Variants in ZNF880 observed in about 807,000 individuals in gnomAD.
ZNF880 encodes the protein zinc finger protein 880.
A neutral mutation model predicts 11.8 loss-of-function variants in ZNF880; 12 were observed. The ratio of observed to expected loss-of-function variants is 1.02; its 90% CI spans 0.65 to 1.65. The LOEUF (loss-of-function observed/expected upper bound fraction) is 1.65. Among genes scored for constraint, ZNF880 ranks in the 40% most tolerant of loss-of-function variants. The pLI, the probability that ZNF880 is intolerant of heterozygous loss-of-function variation, is 0.00. For synonymous variants in ZNF880, 210 were observed against 232.4 expected, an observed-to-expected ratio of 0.90 and a Z score of 0.88; for missense variants, 601 against 673.9, an observed-to-expected ratio of 0.89 and a Z score of 1.20.
the ZNF880 span, among the ~76,000 whole-genome samples, chr19:52,393,810 T>G: frequency 2.0e-5 from 3 of 151,702 alleles, no homozygotes; most frequent in Non-Finnish European, 2.9e-5. Flanking sequence ...ATGTTTTGTT[T>G]CACATGTATT....
chr19:52,384,196 C>T lies in ZNF880; in HGVS notation c.616C>T (p.His206Tyr). 6.2e-7 allele frequency: 1 copy of T among 1,611,546 alleles called. No individual in the cohort carries two copies. The highest frequency in any genetic ancestry group is 8.5e-7 in the Non-Finnish European group (1 of 1,178,532). Residue 206 changes from histidine to tyrosine, a missense_variant, in exon 4 of 4, where the codon CAC becomes TAC. Physicochemically the swap from His to Tyr is moderately conservative, Grantham distance 83. Coordinates refer to ENST00000422689, the MANE Select transcript of ZNF880 (RefSeq NM_001145434.2). ...AAGACTTGCTAACAATCAAGTAATC[C>T]ACACTGCAGATAACCCTTACAAATG... is the stretch of plus-strand genomic sequence containing the variant. The part of the protein sequence containing the change: ...SSRLANNQVI[H>Y]TADNPYKCNE...
chr19:52,376,502 C>A (rs867704832), intron 3 of ZNF880, among the ~76,000 whole-genome samples: 1 of 29,698 alleles, frequency 3.4e-5, no homozygotes, highest in Non-Finnish European at 7.7e-5. Flanking sequence ...CACCGCCCCC[C>A]CCCCCCCTTT....
chr19:52,394,169 T>C, the ZNF880 span, among the ~76,000 whole-genome samples: 4 of 151,734 alleles, frequency 2.6e-5, no homozygotes, highest in African/African-American at 9.7e-5. Flanking sequence ...GGAGCAATCA[T>C]ACATAGTATT....
chr19:52,390,110 T>C (rs2122451656), downstream of ZNF880: 1 of 158,464 alleles, frequency 6.3e-6, no homozygotes, highest in East Asian at 1.9e-4. Context: ...ACAAAGAGGT[T>C]TAATGGACAC....
downstream of ZNF880, among the ~76,000 whole-genome samples, chr19:52,386,462 C>T (rs12985084): frequency 1.6e-3 from 222 of 142,698 alleles, 26 homozygotes; most frequent in Non-Finnish European, 3.0e-3. Flanking sequence ...AGATGGTGGG[C>T]ACTAGGACTG....
chr19:52,396,803 A>T, the ZNF880 span: 1 of 152,138 alleles, frequency 6.6e-6, no homozygotes, highest in African/African-American at 2.4e-5. Flanking sequence ...GTGGAGAGGC[A>T]CAGGCCTTTA....
chr19:52,385,327 A>G lies in ZNF880; in HGVS notation c.*13A>G, dbSNP rs569785639. 3 of 1,549,092 alleles carry G rather than the reference A, an allele frequency of 1.9e-6. No homozygotes were observed. Among genetic ancestry groups the G allele is most frequent in the African/African-American group, 2.7e-5 (2 of 73,124 alleles). ...ACCGTACAGATGAAATGTGTGTGGT[A>G]AGATCTTTAGTAATAATTCACACCT... On this transcript the variant is annotated 3_prime_UTR_variant, in exon 4 of 4. Transcript: ENST00000422689.
At chr19:52,388,558 G>A (rs1986958995), downstream of ZNF880, among the ~76,000 whole-genome samples, 1 of 152,042 alleles carries the variant, frequency 6.6e-6, no homozygotes, top group Admixed American at 6.6e-5. Context: ...TTACAGGTGT[G>A]AGCCACCATG....
chr19:52,383,280 C>G (rs2122403529), intron 3 of ZNF880, among the ~76,000 whole-genome samples: 1 of 152,242 alleles, frequency 6.6e-6, no homozygotes, highest in South Asian at 2.1e-4. Context: ...AGAGGGCTGC[C>G]TATTTTTAGG....
rs536680311 is a variant in ZNF880 at position 52,373,778 on chromosome 19, A to G, written c.140-521A>G. ...AACCTCCGCCTCCCGTTTTCAAGCA[A>G]TTCTGCCTCAGCCTCCCGAGTAGCT... On this transcript the variant is annotated intron_variant, in intron 2 of 3. Coordinates refer to ENST00000422689, the MANE Select transcript of ZNF880 (RefSeq NM_001145434.2). Among the ~76,000 whole-genome samples the G allele has an allele frequency of 1.7e-3, 248 of 148,866 alleles. 1 individual carries two copies. Among genetic ancestry groups the G allele is most frequent in the African/African-American group, 5.7e-3 (228 of 40,296 alleles).
chr19:52,388,434 C>G (rs552304442), downstream of ZNF880, among the ~76,000 whole-genome samples: 2 of 150,984 alleles, frequency 1.3e-5, no homozygotes, highest in Admixed American at 6.6e-5. Context: ...TGCACCACCA[C>G]GCCCAGCTAA....
intron 1 of ZNF880, 75 bp from the exon 2 acceptor site, chr19:52,373,036 C>A: frequency 6.7e-7 from 1 of 1,483,694 alleles, no homozygotes; most frequent in Non-Finnish European, 9.3e-7. Flanking sequence ...ACATCCACTT[C>A]AATCAAGTCA....
rs1986835151 is a variant in ZNF880, at chr19:52,384,942, T to C, written c.1362T>C (p.His454=). Residue 454 remains histidine (H), a synonymous_variant, in exon 4 of 4, where the codon CAT becomes CAC. Coordinates refer to ENST00000422689, the MANE Select transcript of ZNF880 (RefSeq NM_001145434.2). ...VFRHRLSLSN[H]QRFHTGEKPY... ...GGCATAGATTATCCCTAAGCAATCA[T>C]CAGAGATTTCATACTGGAGAGAAAC... is the stretch of plus-strand genomic sequence containing the variant. 2.5e-6 allele frequency: 4 copies of C among 1,583,012 alleles called. No individual in the cohort carries two copies. The South Asian group carries it at 3.4e-5, about 14-fold the overall frequency.
chr19:52,391,089 G>A, the ZNF880 span: 2 of 152,428 alleles, frequency 1.3e-5, no homozygotes, highest in African/African-American at 4.8e-5. Flanking sequence ...AGTTCAGCAA[G>A]ATAGGGAGAG....
chr19:52,373,982 G>T (rs1378282972), intron 2 of ZNF880, among the ~76,000 whole-genome samples: 1 of 151,800 alleles, frequency 6.6e-6, no homozygotes, highest in East Asian at 1.9e-4. Flanking sequence ...TACTATTCTT[G>T]ATTCATTTAT....
At chr19:52,373,638 G>T (rs1050940950) in intron 2 of ZNF880, among the ~76,000 whole-genome samples, 9 of 151,300 alleles carry the variant, frequency 5.9e-5, no homozygotes, top group Non-Finnish European at 1.3e-4. Context: ...TTCAGAAGGA[G>T]GCAGTGGATG....
downstream of ZNF880, among the ~76,000 whole-genome samples, chr19:52,387,532 T>A (rs1215726718): frequency 7.2e-6 from 1 of 138,364 alleles, no homozygotes; most frequent in Non-Finnish European, 1.5e-5. Flanking sequence ...CACTGCAACC[T>A]CTGCCTCCCG....
rs1042854066 is a variant in ZNF880 at position 52,385,408 on chromosome 19, A to G, written c.*94A>G. The stretch of plus-strand genomic sequence containing the variant: ...GAGTTCTTACAAACTGAGTATGGCA[A>G]ACTCTTCATGCTAAGTTCTAGCATT... On this transcript the variant is annotated 3_prime_UTR_variant, in exon 4 of 4. Transcript: ENST00000422689. 5.2e-6 allele frequency: 7 copies of G among 1,348,706 alleles called. No homozygotes were observed. In the African/African-American group the frequency reaches 1.0e-4, roughly 20 times the overall value. The allele number at this position is 1,348,706 out of a possible 1,614,324, so 83.5% of individuals were successfully genotyped here.
At chr19:52,381,488 G>A (rs2122394877) in intron 3 of ZNF880, among the ~76,000 whole-genome samples, 1 of 152,220 alleles carries the variant, frequency 6.6e-6, no homozygotes, top group African/African-American at 2.4e-5. Context: ...GAATTAAAGG[G>A]AGTTTCTTGC....
Sources: gnomAD v4.1 joint callset for allele counts (sites outside exome capture counted in the v4.1 genomes callset) on GRCh38, gnomAD v4.1.1 for gene constraint, MANE v1.5 for transcripts, NCBI Gene and HGNC (gene_info 2026-07-23, HGNC 2026-07-21) for gene names.